NRF1: variants seen among roughly 807,000 people sequenced by gnomAD.
NRF1 encodes nuclear respiratory factor 1.
NRF1 carries 5 observed loss-of-function variants against 58.5 expected under a neutral mutation model. That is an observed-to-expected ratio of 0.09 (90% confidence interval 0.04 to 0.18). The LOEUF is 0.18. NRF1 is among the 10% of genes least tolerant of loss of function. The pLI is 1.00. For synonymous variants in NRF1, 224 were observed against 246.7 expected (o/e 0.91, Z 0.86); for missense variants, 288 against 657.7 (o/e 0.44, Z 6.15).
At chr7:129,743,361 G>A (rs894631249) in intron 10 of NRF1, among the ~76,000 whole-genome samples, 1 of 152,258 alleles carries the variant, frequency 6.6e-6, no homozygotes, top group South Asian at 2.1e-4. Flanking sequence ...GTGAACACTC[G>A]GGCCAAGAGT....
intron 4 of NRF1, among the ~76,000 whole-genome samples, chr7:129,683,320 T>TGAGAGAGAGAGAGAGA (rs72404049): frequency 7.3e-6 from 1 of 136,384 alleles, no homozygotes; most frequent in African/African-American, 2.9e-5. Flanking sequence ...TGTGTGTGTG[T>TGAGAGAGAGAGAGAGA]GAGAGAGAGA....
intron 1 of NRF1, among the ~76,000 whole-genome samples, chr7:129,627,035 A>G (rs1016004449): frequency 1.3e-4 from 20 of 152,232 alleles, no homozygotes; most frequent in African/African-American, 4.6e-4. Flanking sequence ...CACATGGTTA[A>G]AAGGAATACA....
chr7:129,703,173 G>A (rs2116167041), intron 5 of NRF1, among the ~76,000 whole-genome samples: 1 of 152,276 alleles, frequency 6.6e-6, no homozygotes, highest in Admixed American at 6.5e-5. Context: ...GTCCCGGGAA[G>A]TGGTAGTATT....
At chr7:129,747,789 G>A (rs547500845) in intron 10 of NRF1, among the ~76,000 whole-genome samples, 6 of 152,304 alleles carry the variant, frequency 3.9e-5, no homozygotes, top group Admixed American at 1.3e-4. Flanking sequence ...AGCACCATGA[G>A]AATGGTTGTG....
intron 2 of NRF1, among the ~76,000 whole-genome samples, chr7:129,659,290 G>A (rs1403475623): frequency 6.6e-6 from 1 of 152,070 alleles, no homozygotes; most frequent in East Asian, 1.9e-4. Context: ...TGTTGGCCAG[G>A]CCGGTCTTGA....
chr7:129,742,941 A>G (rs1380052964), intron 10 of NRF1, among the ~76,000 whole-genome samples: 1 of 152,182 alleles, frequency 6.6e-6, no homozygotes, highest in Non-Finnish European at 1.5e-5. Context: ...CATCACAGGA[A>G]GCTCCAGTGG....
intron 1 of NRF1, among the ~76,000 whole-genome samples, chr7:129,645,952 C>T (rs1212177331): frequency 1.3e-5 from 2 of 152,156 alleles, no homozygotes; most frequent in Admixed American, 6.5e-5. Flanking sequence ...CGGGTTCAAG[C>T]GATTCTCCTG....
At chr7:129,637,753 A>G (rs1379418396) in intron 1 of NRF1, among the ~76,000 whole-genome samples, 1 of 152,196 alleles carries the variant, frequency 6.6e-6, no homozygotes, top group African/African-American at 2.4e-5. Context: ...CTTTAAGACA[A>G]GCTTATCCAA....
intron 9 of NRF1, among the ~76,000 whole-genome samples, chr7:129,719,239 T>C (rs1415990800): frequency 6.6e-6 from 1 of 152,068 alleles, no homozygotes; most frequent in Admixed American, 6.6e-5. Flanking sequence ...TTCAAGTGAT[T>C]CTCCTGCCTC....
In NRF1 at chr7:129,696,344, ACT is replaced by A. The variant is rs879433192; in HGVS notation, c.606+5803_606+5804del. Among the ~76,000 whole-genome samples, 9 of 152,110 alleles carry A rather than the reference ACT, an allele frequency of 5.9e-5. No individual in the cohort carries two copies. The East Asian group carries it at 7.7e-4, about 13-fold the overall frequency. On this transcript the variant is annotated intron_variant, in intron 5 of 10. Transcript: ENST00000393232. Reference sequence around the variant, plus strand: ...TTATGTTAACATGAAGATGTCAACAACTCTCTTTTTCCCCCCTTATTTTCCTC... The same window carrying A: ...TTATGTTAACATGAAGATGTCAACAACTCTTTTTCCCCCCTTATTTTCCTC...
intron 1 of NRF1, among the ~76,000 whole-genome samples, chr7:129,615,740 A>G (rs1164203658): frequency 6.6e-6 from 1 of 152,200 alleles, no homozygotes; most frequent in Non-Finnish European, 1.5e-5. Context: ...CTTGTGTATC[A>G]TATTTCCTTC....
intron 8 of NRF1, among the ~76,000 whole-genome samples, chr7:129,712,227 G>T (rs1434369996): frequency 6.6e-6 from 1 of 152,156 alleles, no homozygotes; most frequent in Non-Finnish European, 1.5e-5. Context: ...GTTGAAGCTG[G>T]ATAATGCATT....
chr7:129,697,025 C>T (rs982662285), intron 5 of NRF1, among the ~76,000 whole-genome samples: 1 of 152,024 alleles, frequency 6.6e-6, no homozygotes, highest in African/African-American at 2.4e-5. Flanking sequence ...AAAACTAAAG[C>T]ATCACACCAA....
rs957532775 is a variant in NRF1, at chr7:129,690,638, A to G, written c.606+92A>G. On this transcript the variant is annotated intron_variant, in intron 5 of 10. Transcript: ENST00000393232. Reference sequence around the variant, plus strand: ...ACTTTTCTGCATTTTGTCCTCAGTGATCTGACCAGGGAGTGAGATGCTGAC... The same window carrying G: ...ACTTTTCTGCATTTTGTCCTCAGTGGTCTGACCAGGGAGTGAGATGCTGAC... 6.0e-5 allele frequency: 84 copies of G among 1,390,782 alleles called. No individual in the cohort carries two copies. The African/African-American group carries it at 1.1e-3, about 19-fold the overall frequency. The allele number at this position is 1,390,782 out of a possible 1,614,324, so 86.2% of individuals were successfully genotyped here. A position where few individuals can be genotyped will look rare whatever the true frequency, so the allele number is the denominator to read the frequency against.
At chr7:129,672,661 A>G (rs1276498841) in intron 3 of NRF1, among the ~76,000 whole-genome samples, 1 of 152,162 alleles carries the variant, frequency 6.6e-6, no homozygotes, top group Non-Finnish European at 1.5e-5. Flanking sequence ...AGTTTGAGAG[A>G]AAGGAGTGCT....
chr7:129,728,733 G>A (rs1466145169), intron 10 of NRF1, among the ~76,000 whole-genome samples: 1 of 152,212 alleles, frequency 6.6e-6, no homozygotes, highest in African/African-American at 2.4e-5. Flanking sequence ...CATAGGAAAT[G>A]CAAAGAGCCA....
chr7:129,681,187 T>C (rs925821735), intron 4 of NRF1, among the ~76,000 whole-genome samples: 1 of 152,200 alleles, frequency 6.6e-6, no homozygotes, highest in Non-Finnish European at 1.5e-5. Context: ...GAGCCAGTGA[T>C]ACAGGCTAGA....
chr7:129,730,186 T>A (rs972185604), intron 10 of NRF1, among the ~76,000 whole-genome samples: 13 of 152,112 alleles, frequency 8.5e-5, no homozygotes, highest in South Asian at 2.1e-4. Context: ...CATTTTTTTT[T>A]AATCTTTTTT....
intron 5 of NRF1, among the ~76,000 whole-genome samples, chr7:129,702,385 G>A (rs1802846922): frequency 6.6e-6 from 1 of 152,148 alleles, no homozygotes; most frequent in Admixed American, 6.6e-5. Flanking sequence ...CTGAAGTTAC[G>A]TTGATCTTTT....
Sources: allele counts gnomAD v4.1 joint callset (sites outside exome capture counted in the v4.1 genomes callset), GRCh38; gene constraint gnomAD v4.1.1; transcripts MANE v1.5; gene names NCBI Gene and HGNC (gene_info 2026-07-23, HGNC 2026-07-21).